Variants in OSBP2 observed in about 807,000 individuals in gnomAD.
The protein encoded by OSBP2 is oxysterol binding protein 2, also known as oxysterol-binding protein 2.
OSBP2 carries 66 observed loss-of-function variants against 96.0 expected under a neutral mutation model. The ratio of observed to expected loss-of-function variants is 0.69; its 90% CI spans 0.56 to 0.84. OSBP2 has a LOEUF of 0.84. OSBP2 is among the 40% of genes least tolerant of loss of function. The probability of loss-of-function intolerance (pLI) is 0.00; values close to 1 mark genes in which losing one functional copy is unlikely to be tolerated. For synonymous variants in OSBP2, 525 were observed against 520.9 expected (o/e 1.01, Z -0.11); for missense variants, 1,038 against 1,222.7 (o/e 0.85, Z 2.25).
At chr22:30,743,772 C>T (rs945602279) in intron 2 of OSBP2, among the ~76,000 whole-genome samples, 5 of 152,104 alleles carry the variant, frequency 3.3e-5, no homozygotes, top group African/African-American at 9.7e-5. Context: ...ATTAGTCATC[C>T]GGCAACAGTT....
chr22:30,732,234 G>A (rs1451144060), intron 1 of OSBP2, among the ~76,000 whole-genome samples: 1 of 152,144 alleles, frequency 6.6e-6, no homozygotes, highest in Non-Finnish European at 1.5e-5. Context: ...AACCTGGGAG[G>A]CGGAGGTTGC....
intron 2 of OSBP2, among the ~76,000 whole-genome samples, chr22:30,795,125 G>A (rs1371602436): frequency 1.3e-5 from 2 of 151,710 alleles, no homozygotes; most frequent in African/African-American, 4.8e-5. Context: ...TTCCCAGGCT[G>A]GTCTTGAGCA....
At chr22:30,743,092 CTA>C (rs1021002798) in intron 2 of OSBP2, among the ~76,000 whole-genome samples, 6 of 152,292 alleles carry the variant, frequency 3.9e-5, no homozygotes, top group African/African-American at 1.4e-4. Flanking sequence ...TTCCACAGAC[CTA>C]TGTGTTTGTC....
At chr22:30,786,370 T>C (rs2090590672) in intron 2 of OSBP2, among the ~76,000 whole-genome samples, 1 of 152,144 alleles carries the variant, frequency 6.6e-6, no homozygotes, top group South Asian at 2.1e-4. Context: ...AAATATTGAC[T>C]GTACATCTCT....
Position 30,903,588 on chromosome 22 carries a change from T to A in OSBP2, c.2376-2249T>A, listed in dbSNP as rs1282704401. On this transcript the variant is annotated intron_variant, in intron 12 of 13. Transcript: ENST00000332585. ...CTGCTTTTTCGAGGCTGTGTCCCAATGAGTTCACTCCTTTCACCAGACATG... is the reference window on the plus strand; with the variant it reads ...CTGCTTTTTCGAGGCTGTGTCCCAAAGAGTTCACTCCTTTCACCAGACATG... Among the ~76,000 whole-genome samples the A allele has an allele frequency of 2.0e-5, 3 of 152,382 alleles. No homozygotes were observed. The South Asian group carries it at 6.2e-4, about 32-fold the overall frequency.
Position 30,870,310 on chromosome 22 carries a change from T to C in OSBP2, c.854-119T>C. On this transcript the variant is annotated intron_variant, in intron 2 of 13. Transcript: ENST00000332585. This position sits in a 1 kb window ranked among gnomAD's most constrained non-coding sequence, Gnocchi z 4.1. ...GCCAGGAACAGGAACGGGCACCATC[T>C]CGGGGACTGATGTTTTTTGAATGGC... 2 of 1,052,764 alleles carry C rather than the reference T, an allele frequency of 1.9e-6. No homozygotes were observed. Among genetic ancestry groups the C allele is most frequent in the Non-Finnish European group, 1.4e-6 (1 of 721,200 alleles). The allele number at this position is 1,052,764 out of a possible 1,614,324, so 65.2% of individuals were successfully genotyped here. A position where few individuals can be genotyped will look rare whatever the true frequency, so the allele number is the denominator to read the frequency against.
chr22:30,798,820 C>T (rs2090803436), intron 2 of OSBP2, among the ~76,000 whole-genome samples: 1 of 151,962 alleles, frequency 6.6e-6, no homozygotes, highest in African/African-American at 2.4e-5. Context: ...CAAGACCAGC[C>T]TGGCCAACAT....
At chr22:30,702,891 T>G (rs1185538260) in intron 1 of OSBP2, among the ~76,000 whole-genome samples, 1 of 152,226 alleles carries the variant, frequency 6.6e-6, no homozygotes, top group Non-Finnish European at 1.5e-5. Flanking sequence ...CCTCAGTAGC[T>G]TGGTTTGTCT....
intron 2 of OSBP2, among the ~76,000 whole-genome samples, chr22:30,845,404 CA>C: frequency 6.6e-6 from 1 of 151,852 alleles, no homozygotes; most frequent in East Asian, 1.9e-4. Context: ...GCCTGGGCTA[CA>C]AGAGTGAGAC....
chr22:30,869,135 G>A (rs1602387038), intron 2 of OSBP2, among the ~76,000 whole-genome samples: 1 of 152,250 alleles, frequency 6.6e-6, no homozygotes, highest in East Asian at 1.9e-4. Context: ...GACGCCCACA[G>A]CCCCATAACC....
chr22:30,739,505 C>T (rs1235404980), intron 1 of OSBP2, among the ~76,000 whole-genome samples: 20 of 151,226 alleles, frequency 1.3e-4, no homozygotes, highest in African/African-American at 3.4e-4. Context: ...GACAGAGTCT[C>T]GCTCTGTCAC....
intron 2 of OSBP2, among the ~76,000 whole-genome samples, chr22:30,748,446 C>T (rs1232797963): frequency 6.6e-6 from 1 of 152,128 alleles, no homozygotes; most frequent in Non-Finnish European, 1.5e-5. Flanking sequence ...ACCTAAGTTC[C>T]TTGAGGGCAG....
intron 3 of OSBP2, among the ~76,000 whole-genome samples, chr22:30,883,526 C>T (rs1250158655): frequency 1.3e-5 from 2 of 152,222 alleles, no homozygotes; most frequent in African/African-American, 2.4e-5. Context: ...GGAACCAAGA[C>T]TAACTTGACA....
chr22:30,779,972 T>C (rs1443525545), intron 2 of OSBP2, among the ~76,000 whole-genome samples: 1 of 152,242 alleles, frequency 6.6e-6, no homozygotes, highest in Non-Finnish European at 1.5e-5. Flanking sequence ...CCCTTGGTGT[T>C]CCTTTCCACA....
intron 2 of OSBP2, among the ~76,000 whole-genome samples, chr22:30,857,313 C>T (rs2039099274): frequency 6.6e-6 from 1 of 152,178 alleles, no homozygotes; most frequent in South Asian, 2.1e-4. Flanking sequence ...GGCTTGTTCC[C>T]TGGGAGCTCC....
intron 2 of OSBP2, among the ~76,000 whole-genome samples, chr22:30,753,280 G>A (rs1436584416): frequency 6.6e-6 from 1 of 152,084 alleles, no homozygotes; most frequent in East Asian, 1.9e-4. Context: ...GTTACTGGTG[G>A]GAGGTGAGAC....
intron 2 of OSBP2, among the ~76,000 whole-genome samples, chr22:30,780,984 T>G (rs1250224978): frequency 1.3e-5 from 2 of 151,940 alleles, no homozygotes; most frequent in Admixed American, 6.6e-5. Flanking sequence ...ATTTAAAATT[T>G]TTTTTTTTGA....
intron 2 of OSBP2, chr22:30,802,938 G>C (rs1330473612): frequency 6.5e-6 from 1 of 153,238 alleles, no homozygotes; most frequent in African/African-American, 2.4e-5. Flanking sequence ...CGCTGTCCGC[G>C]GTGCTGAAGC....
intron 2 of OSBP2, among the ~76,000 whole-genome samples, chr22:30,778,171 T>C (rs1187767342): frequency 2.3e-5 from 1 of 43,710 alleles, no homozygotes; most frequent in African/African-American, 2.4e-4. Context: ...ATTTTTGCCC[T>C]TTTTTTTTTT....
Sources: allele counts gnomAD v4.1 joint callset (sites outside exome capture counted in the v4.1 genomes callset), GRCh38; gene constraint gnomAD v4.1.1; non-coding constraint Gnocchi (gnomAD v3.1); transcripts MANE v1.5; gene names NCBI Gene and HGNC (gene_info 2026-07-23, HGNC 2026-07-21).